The following CTNNA2 variants were observed in gnomAD, a reference collection of about 807,000 sequenced individuals.
CTNNA2 encodes the protein catenin alpha 2, also known as catenin alpha-2.
A neutral mutation model predicts 101.0 loss-of-function variants in CTNNA2; 42 were observed. The ratio of observed to expected loss-of-function variants is 0.42; its 90% CI spans 0.32 to 0.54. CTNNA2 has a LOEUF of 0.54. CTNNA2 is among the 20% of genes least tolerant of loss of function. The probability of loss-of-function intolerance (pLI) is 0.14; values close to 1 mark genes in which losing one functional copy is unlikely to be tolerated. For synonymous variants in CTNNA2, 450 were observed against 456.4 expected, an observed-to-expected ratio of 0.99 and a Z score of 0.18; for missense variants, 871 against 1,223.1, an observed-to-expected ratio of 0.71 and a Z score of 4.29.
At chr2:79,416,676 C>A (rs1678486313) in intron 4 of CTNNA2, among the ~76,000 whole-genome samples, 1 of 152,008 alleles carries the variant, frequency 6.6e-6, no homozygotes, top group Admixed American at 6.6e-5. Flanking sequence ...CAATAAACAC[C>A]TGGGTTAACA....
chr2:80,595,327 A>G (rs1048209155), intron 15 of CTNNA2, among the ~76,000 whole-genome samples: 19 of 152,166 alleles, frequency 1.2e-4, no homozygotes, highest in Admixed American at 1.2e-3. Flanking sequence ...TGTATCCTGC[A>G]ACTTGCCTGA....
At chr2:79,998,183 A>T (rs1332448627) in intron 7 of CTNNA2, among the ~76,000 whole-genome samples, 1 of 152,208 alleles carries the variant, frequency 6.6e-6, no homozygotes, top group East Asian at 1.9e-4. Context: ...TATGGAGGCC[A>T]TTTACTAGCC....
At chr2:79,380,358 G>C (rs968223318) in intron 4 of CTNNA2, among the ~76,000 whole-genome samples, 1 of 151,584 alleles carries the variant, frequency 6.6e-6, no homozygotes. Context: ...ATTACTCTCC[G>C]TCTGTGCCAT....
intron 2 of CTNNA2, among the ~76,000 whole-genome samples, chr2:79,310,161 C>A (rs1285850397): frequency 2.0e-5 from 3 of 152,040 alleles, no homozygotes; most frequent in Non-Finnish European, 4.4e-5. Flanking sequence ...GGAGTTTTAT[C>A]TCTTATTTTC....
intron 18 of CTNNA2, among the ~76,000 whole-genome samples, chr2:80,645,214 G>GC (rs2149867311): frequency 6.6e-6 from 1 of 152,156 alleles, no homozygotes; most frequent in South Asian, 2.1e-4. Context: ...ACTCATTTTT[G>GC]AAACCTGACA....
At chr2:80,045,130 T>C (rs1427806107) in intron 7 of CTNNA2, among the ~76,000 whole-genome samples, 1 of 152,138 alleles carries the variant, frequency 6.6e-6, no homozygotes, top group African/African-American at 2.4e-5. Flanking sequence ...CCCTAGAATG[T>C]CCCAAGGGGG....
chr2:80,369,456 C>T (rs1272628929), intron 7 of CTNNA2, among the ~76,000 whole-genome samples: 2 of 152,096 alleles, frequency 1.3e-5, no homozygotes, highest in African/African-American at 2.4e-5. Context: ...CAGATGCCCA[C>T]TGCCTTATTC....
At chr2:79,194,376 A>G (rs1347013438) in intron 1 of CTNNA2, among the ~76,000 whole-genome samples, 2 of 152,134 alleles carry the variant, frequency 1.3e-5, no homozygotes, top group Non-Finnish European at 2.9e-5. Flanking sequence ...AGACTTGGGA[A>G]TGTCCACTTA....
At position 79,616,272 on chromosome 2, in the gene CTNNA2, A is replaced by G. The variant is rs193187851; in HGVS notation, c.-5-35280A>G. On this transcript the variant is annotated intron_variant, in intron 1 of 18. Transcript: ENST00000402739. ...AAGTAGCAATTCAATATGCATAGTA[A>G]GAACATTTAGGGACACCTTCCAATC... Among the ~76,000 whole-genome samples the G allele has an allele frequency of 1.8e-4, 27 of 152,264 alleles. No individual in the cohort carries two copies. In the East Asian group the frequency reaches 2.1e-3, roughly 12 times the overall value.
At chr2:80,014,716 A>G (rs866402129) in intron 7 of CTNNA2, among the ~76,000 whole-genome samples, 16 of 152,276 alleles carry the variant, frequency 1.1e-4, no homozygotes, top group Middle Eastern at 6.8e-3. Context: ...TTCTTCTTTC[A>G]TAAATATTTG....
intron 4 of CTNNA2, among the ~76,000 whole-genome samples, chr2:79,405,113 T>C (rs970267234): frequency 3.9e-5 from 6 of 152,014 alleles, no homozygotes; most frequent in Non-Finnish European, 7.4e-5. Context: ...AGGGAAATTA[T>C]CCTATGTGGG....
chr2:80,313,629 A>G, intron 7 of CTNNA2: 1 of 1,609,800 alleles, frequency 6.2e-7, no homozygotes, highest in Non-Finnish European at 8.5e-7. Flanking sequence ...AAGACTTCTG[A>G]GATGCATACC....
intron 9 of CTNNA2, among the ~76,000 whole-genome samples, chr2:80,501,468 C>A (rs2149533451): frequency 6.6e-6 from 1 of 152,208 alleles, no homozygotes; most frequent in South Asian, 2.1e-4. Context: ...TAGTTCTCTA[C>A]CAGCTCAAGA....
At chr2:79,326,457 C>T (rs765972181) in intron 3 of CTNNA2, among the ~76,000 whole-genome samples, 1 of 152,096 alleles carries the variant, frequency 6.6e-6, no homozygotes, top group African/African-American at 2.4e-5. Context: ...ACTCTTTATA[C>T]AACCTAGGTT....
chr2:80,353,850 G>C (rs1455111945), intron 7 of CTNNA2, among the ~76,000 whole-genome samples: 1 of 152,094 alleles, frequency 6.6e-6, no homozygotes, highest in Non-Finnish European at 1.5e-5. Flanking sequence ...TATCTTAGTG[G>C]CTTGAATTAA....
intron 6 of CTNNA2, among the ~76,000 whole-genome samples, chr2:79,887,013 C>A (rs536247149): frequency 6.6e-6 from 1 of 151,972 alleles, no homozygotes; most frequent in African/African-American, 2.4e-5. Flanking sequence ...CACATGGTTT[C>A]GCCATGTTGT....
chr2:79,830,916 G>A (rs1248023623), intron 3 of CTNNA2, among the ~76,000 whole-genome samples: 5 of 152,138 alleles, frequency 3.3e-5, no homozygotes, highest in African/African-American at 4.8e-5. Flanking sequence ...AATGTAGGAC[G>A]TGTATATTAT....
chr2:79,831,428 A>G (rs541343488), intron 3 of CTNNA2, among the ~76,000 whole-genome samples: 17 of 152,218 alleles, frequency 1.1e-4, no homozygotes, highest in African/African-American at 3.9e-4. Flanking sequence ...CCCCTTAACT[A>G]TAACAGCCCA....
At chr2:79,262,347 G>T (rs1398705691) in intron 2 of CTNNA2, among the ~76,000 whole-genome samples, 3 of 151,954 alleles carry the variant, frequency 2.0e-5, no homozygotes, top group Non-Finnish European at 4.4e-5. Context: ...AGAAAAACAA[G>T]ATCAATAAAT....
Sources: allele counts gnomAD v4.1 joint callset (sites outside exome capture counted in the v4.1 genomes callset), GRCh38; gene constraint gnomAD v4.1.1; transcripts MANE v1.5; gene names NCBI Gene and HGNC (gene_info 2026-07-23, HGNC 2026-07-21).